PBX1: variants seen among roughly 807,000 people sequenced by gnomAD.
The protein encoded by PBX1 is PBX homeobox 1, also known as pre-B-cell leukemia transcription factor 1.
Under a neutral mutation model 53.4 loss-of-function variants are expected in PBX1, and 6 were observed. The ratio of observed to expected loss-of-function variants is 0.11; its 90% CI spans 0.06 to 0.22. The LOEUF (loss-of-function observed/expected upper bound fraction) is 0.22, where lower values mean the gene tolerates loss of function less well. PBX1 is among the 10% of genes least tolerant of loss of function. The pLI is 1.00. For missense variants in PBX1, 251 were observed against 551.4 expected, an observed-to-expected ratio of 0.46 and a Z score of 5.46; for synonymous variants, 204 against 212.3, an observed-to-expected ratio of 0.96 and a Z score of 0.34.
At chr1:164,587,091 G>A (rs576827984) in intron 2 of PBX1, among the ~76,000 whole-genome samples, 9 of 152,326 alleles carry the variant, frequency 5.9e-5, no homozygotes, top group African/African-American at 2.2e-4. Flanking sequence ...TTGTTTGTGT[G>A]TGTGTGTCCC....
chr1:164,866,633 G>A (rs906705873), intron 2 of PBX1, among the ~76,000 whole-genome samples: 1 of 152,068 alleles, frequency 6.6e-6, no homozygotes, highest in South Asian at 2.1e-4. Context: ...CCCTTATCTG[G>A]CTCCAGTCAG....
At chr1:164,807,393 T>C in intron 4 of PBX1, 149 bp from the exon 5 acceptor site, 1 of 857,098 alleles carries the variant, frequency 1.2e-6, no homozygotes. Flanking sequence ...TTAGCGTTGG[T>C]TTTGGCATCC....
At chr1:164,650,877 C>T (rs1293932150) in intron 2 of PBX1, among the ~76,000 whole-genome samples, 2 of 151,938 alleles carry the variant, frequency 1.3e-5, no homozygotes, top group Non-Finnish European at 2.9e-5. Context: ...CTCTGCTTCC[C>T]TTCTCCCTTC....
intron 2 of PBX1, among the ~76,000 whole-genome samples, chr1:164,710,816 T>C (rs1211853587): frequency 6.6e-6 from 1 of 152,182 alleles, no homozygotes; most frequent in Non-Finnish European, 1.5e-5. Context: ...AAGTTGAGGA[T>C]ATTTAATTAT....
intron 3 of PBX1, among the ~76,000 whole-genome samples, chr1:164,799,047 A>G (rs966463739): frequency 6.6e-6 from 1 of 152,176 alleles, no homozygotes; most frequent in Non-Finnish European, 1.5e-5. Context: ...ATTTGACCCC[A>G]AACTCTCTTT....
intron 2 of PBX1, among the ~76,000 whole-genome samples, chr1:164,569,770 A>C (rs765752419): frequency 5.9e-5 from 9 of 151,976 alleles, no homozygotes; most frequent in African/African-American, 1.2e-4. Context: ...CCTGTTGGCC[A>C]GGCTGGTCTC....
In PBX1 at chr1:164,848,245, G is replaced by A. The variant is rs1393625136; in HGVS notation, c.*1569G>A. ...ATGTATATGAAAGCTATTCTCAAAA[G>A]TCACCTGAGCTCACCATCTTCATAG... On this transcript the variant is annotated 3_prime_UTR_variant, in exon 9 of 9. Transcript: ENST00000420696. 2 of 1,053,978 alleles carry A rather than the reference G, an allele frequency of 1.9e-6. No homozygotes were observed. Among genetic ancestry groups the A allele is most frequent in the Non-Finnish European group, 2.3e-6 (2 of 872,386 alleles). The allele number at this position is 1,053,978 out of a possible 1,614,324, so 65.3% of individuals were successfully genotyped here.
chr1:164,667,969 C>G (rs1660901930), intron 2 of PBX1, among the ~76,000 whole-genome samples: 1 of 152,178 alleles, frequency 6.6e-6, no homozygotes, highest in African/African-American at 2.4e-5. Flanking sequence ...AATGGCTGCC[C>G]CCTTCTCCCA....
chr1:164,691,083 C>T (rs576170515), intron 2 of PBX1, among the ~76,000 whole-genome samples: 51 of 143,746 alleles, frequency 3.5e-4, no homozygotes, highest in Admixed American at 3.4e-3. Flanking sequence ...GGTGCAATCT[C>T]GGCTCACTGC....
rs543659428 is a variant in PBX1, at chr1:164,604,860, T to G, written c.265+41549T>G. On this transcript the variant is annotated intron_variant, in intron 2 of 8. Transcript: ENST00000420696. ...AAATACTGTGCTTTTAGACAAAGTG[T>G]ATTTGAAATTTCTCACTCTGTTTCC... 3.9e-5 allele frequency among the ~76,000 whole-genome samples: 6 copies of G among 152,324 alleles called. No homozygotes were observed. The South Asian group carries it at 1.2e-3, about 32-fold the overall frequency.
chr1:164,667,409 AAT>A (rs1660867318), intron 2 of PBX1, among the ~76,000 whole-genome samples: 1 of 58,094 alleles, frequency 1.7e-5, no homozygotes, highest in African/African-American at 4.2e-5. Flanking sequence ...ACATATGTAT[AAT>A]ATGTGTGTGT....
chr1:164,760,044 G>T (rs139527106), intron 2 of PBX1, among the ~76,000 whole-genome samples: 29 of 152,268 alleles, frequency 1.9e-4, no homozygotes, highest in African/African-American at 6.7e-4. Flanking sequence ...TCCAGTCTCC[G>T]TGTGTCTGTA....
chr1:164,623,556 GCCAAAGTCGT>G (rs1657832822), intron 2 of PBX1, among the ~76,000 whole-genome samples: 1 of 152,190 alleles, frequency 6.6e-6, no homozygotes, highest in Non-Finnish European at 1.5e-5. Flanking sequence ...CCATCTCACT[GCCAAAGTCGT>G]GCTTACTGAT....
At chr1:164,561,126 C>T (rs899031004) in intron 1 of PBX1, among the ~76,000 whole-genome samples, 6 of 152,094 alleles carry the variant, frequency 3.9e-5, no homozygotes, top group Non-Finnish European at 8.8e-5. Context: ...GTACAATTAC[C>T]CAGCTTTGTT....
rs529202931 is a variant in PBX1, at chr1:164,804,531, A to G, written c.702-3011A>G. Among the ~76,000 whole-genome samples the G allele has an allele frequency of 1.3e-3, 191 of 152,334 alleles. 3 individuals are homozygous for G. The highest frequency in any genetic ancestry group is 0.01 in the Middle Eastern group (3 of 294). On this transcript the variant is annotated intron_variant, in intron 4 of 8. Coordinates refer to ENST00000420696, the MANE Select transcript of PBX1 (RefSeq NM_002585.4). ...GCTGCTCAGTAGCCACACATAGCCAATGACTAATGTATTGGACAGCAGAGA... is the reference window on the plus strand; with the variant it reads ...GCTGCTCAGTAGCCACACATAGCCAGTGACTAATGTATTGGACAGCAGAGA...
At chr1:164,782,958 G>A (rs937356350) in intron 2 of PBX1, among the ~76,000 whole-genome samples, 21 of 152,110 alleles carry the variant, frequency 1.4e-4, no homozygotes, top group South Asian at 2.1e-4. Context: ...ACCCTCTTCT[G>A]GTTATAATTT....
At chr1:164,689,123 C>G (rs530245789) in intron 2 of PBX1, among the ~76,000 whole-genome samples, 51 of 152,354 alleles carry the variant, frequency 3.3e-4, no homozygotes, top group African/African-American at 1.1e-3. Flanking sequence ...AATGTCCCCT[C>G]ATTGCTGGGT....
intron 2 of PBX1, among the ~76,000 whole-genome samples, chr1:164,720,728 T>G (rs1664357353): frequency 6.6e-6 from 1 of 152,240 alleles, no homozygotes; most frequent in Admixed American, 6.5e-5. Flanking sequence ...CCTCCAGGTC[T>G]AGCTAATGTC....
chr1:164,589,835 T>G (rs12095908), intron 2 of PBX1, among the ~76,000 whole-genome samples: 10,662 of 152,204 alleles, frequency 0.07, 1,268 homozygotes, highest in African/African-American at 0.24. Context: ...TTGAATTAGA[T>G]TTCTGTTCCT....
Sources: gnomAD v4.1 joint callset for allele counts (sites outside exome capture counted in the v4.1 genomes callset) on GRCh38, gnomAD v4.1.1 for gene constraint, MANE v1.5 for transcripts, NCBI Gene and HGNC (gene_info 2026-07-23, HGNC 2026-07-21) for gene names.